Variants in IGF2BP1 observed in about 807,000 individuals in gnomAD.
IGF2BP1 encodes insulin-like growth factor 2 mRNA-binding protein 1.
A neutral mutation model predicts 74.9 loss-of-function variants in IGF2BP1; 11 were observed. The ratio of observed to expected loss-of-function variants is 0.15; its 90% confidence interval spans 0.09 to 0.24. The LOEUF is 0.24. Among genes scored for constraint, IGF2BP1 ranks in the 10% least tolerant of loss-of-function variants. IGF2BP1 has a pLI of 1.00. For synonymous variants in IGF2BP1, 287 were observed against 281.8 expected (o/e 1.02, Z -0.18); for missense variants, 440 against 757.4 (o/e 0.58, Z 4.92).
intron 9 of IGF2BP1, among the ~76,000 whole-genome samples, chr17:49,043,190 T>TTCTGGTTGCAATTG (rs2042071835): frequency 6.6e-6 from 1 of 152,190 alleles, no homozygotes; most frequent in Non-Finnish European, 1.5e-5. Context: ...TGTTTGGCAT[T>TTCTGGTTGCAATTG]TCTGGTTGCA....
At chr17:49,017,414 C>T (rs750916812) in intron 2 of IGF2BP1, among the ~76,000 whole-genome samples, 8 of 152,048 alleles carry the variant, frequency 5.3e-5, no homozygotes, top group African/African-American at 1.2e-4. Flanking sequence ...GTGAGCCATA[C>T]ATGTAAGTTT....
rs554009329 is a variant in IGF2BP1, at chr17:49,055,847, T to TTG, written c.*6404_*6405insGT. 1.3e-4 allele frequency among the ~76,000 whole-genome samples: 19 copies of TTG among 151,144 alleles called. No homozygotes were observed. The South Asian group carries it at 4.0e-3, about 32-fold the overall frequency. On this transcript the variant is annotated 3_prime_UTR_variant, in exon 15 of 15. Transcript: ENST00000290341. ...TACTGCTTGGGACAGTTTTTTTTTT[T>TTG]TTTTTTTTTTTAAATATGAGTGCTA... is the stretch of plus-strand genomic sequence containing the variant.
At chr17:49,000,385 G>C (rs937391449) in intron 2 of IGF2BP1, among the ~76,000 whole-genome samples, 1 of 152,144 alleles carries the variant, frequency 6.6e-6, no homozygotes, top group Non-Finnish European at 1.5e-5. Context: ...TAAGTAACTT[G>C]GAACTATTGT....
chr17:49,026,003 G>GT (rs2041849522), intron 3 of IGF2BP1, among the ~76,000 whole-genome samples: 1 of 151,776 alleles, frequency 6.6e-6, no homozygotes, highest in African/African-American at 2.4e-5. Flanking sequence ...TTACAGGCGT[G>GT]TACCCCCATG....
intron 2 of IGF2BP1, among the ~76,000 whole-genome samples, chr17:49,016,391 T>C (rs2041702244): frequency 1.3e-5 from 2 of 152,070 alleles, no homozygotes; most frequent in South Asian, 4.1e-4. Context: ...CAGATTAAGG[T>C]GTGTGTATTG....
intron 11 of IGF2BP1, among the ~76,000 whole-genome samples, chr17:49,044,765 A>G (rs2042091871): frequency 6.6e-6 from 1 of 152,214 alleles, no homozygotes; most frequent in Non-Finnish European, 1.5e-5. Context: ...GGCCCTACTT[A>G]GAAAGTGTCA....
intron 5 of IGF2BP1, among the ~76,000 whole-genome samples, chr17:49,032,899 T>TC (rs2041941872): frequency 6.6e-6 from 1 of 152,076 alleles, no homozygotes; most frequent in African/African-American, 2.4e-5. Context: ...CACTGCAACC[T>TC]CAACCTCCTG....
At chr17:49,014,656 A>C in intron 2 of IGF2BP1, 1 of 457,188 alleles carries the variant, frequency 2.2e-6, no homozygotes, top group Non-Finnish European at 2.9e-6. Flanking sequence ...TTCCCACCGC[A>C]GGTCATGGTT....
chr17:49,000,888 T>C (rs1488239191), intron 2 of IGF2BP1, among the ~76,000 whole-genome samples: 1 of 152,004 alleles, frequency 6.6e-6, no homozygotes, highest in Non-Finnish European at 1.5e-5. Context: ...AATGCATTAC[T>C]GAGGGCTCTT....
intron 2 of IGF2BP1, among the ~76,000 whole-genome samples, chr17:49,013,258 T>C (rs1779772912): frequency 6.6e-6 from 1 of 151,890 alleles, no homozygotes; most frequent in South Asian, 2.1e-4. Flanking sequence ...TGGGGGCGAG[T>C]ATGACTTCTA....
At chr17:49,023,431 A>C (rs149084918) in intron 2 of IGF2BP1, among the ~76,000 whole-genome samples, 70 of 151,210 alleles carry the variant, frequency 4.6e-4, no homozygotes, top group African/African-American at 1.5e-3. Context: ...AAAGATCATA[A>C]AGATCTTGCT....
intron 7 of IGF2BP1, among the ~76,000 whole-genome samples, chr17:49,041,060 T>G (rs969745306): frequency 1.3e-5 from 2 of 151,994 alleles, no homozygotes; most frequent in Non-Finnish European, 2.9e-5. Flanking sequence ...GTGCGTATAG[T>G]CCCAGCTACT....
chr17:49,044,671 G>A (rs372091623), intron 11 of IGF2BP1, among the ~76,000 whole-genome samples: 41 of 152,378 alleles, frequency 2.7e-4, no homozygotes, highest in African/African-American at 8.9e-4. Flanking sequence ...CCCTCTATCC[G>A]TTGGTCATTT....
At position 49,052,408 on chromosome 17, in the gene IGF2BP1, C is replaced by G. The variant is rs995841210; in HGVS notation, c.*2964C>G. The G allele has an allele frequency of 1.9e-4, 29 of 152,172 alleles. No individual in the cohort carries two copies. Among genetic ancestry groups the G allele is most frequent in the Admixed American group, 1.8e-3 (28 of 15,282 alleles). The allele number at this position is 152,172 out of a possible 1,614,324, so 9.4% of individuals were successfully genotyped here. ...TGTGATTGTTGCAGTGTTCAGTTTC[C>G]TTGGGGGCCTGCTCCCTTCACACCT... On this transcript the variant is annotated 3_prime_UTR_variant, in exon 15 of 15. Coordinates refer to ENST00000290341, the MANE Select transcript of IGF2BP1 (RefSeq NM_006546.4).
rs757017157 is a variant in IGF2BP1, at chr17:49,041,339, G to A, written c.819-39G>A. 10 of 1,610,040 alleles carry A rather than the reference G, an allele frequency of 6.2e-6. No individual in the cohort carries two copies. The Admixed American group carries it at 1.3e-4, about 22-fold the overall frequency. Reference sequence around the variant, plus strand: ...AGTCTTCATGAAGCCCACAATTGAAGGAACTCTTGTCTTCCACTTCTTCCT... The same window carrying A: ...AGTCTTCATGAAGCCCACAATTGAAAGAACTCTTGTCTTCCACTTCTTCCT... On this transcript the variant is annotated intron_variant, in intron 7 of 14. Coordinates refer to ENST00000290341, the MANE Select transcript of IGF2BP1 (RefSeq NM_006546.4).
intron 4 of IGF2BP1, 80 bp from the exon 5 acceptor site, chr17:49,031,830 G>T: frequency 1.6e-6 from 2 of 1,277,024 alleles, no homozygotes; most frequent in East Asian, 2.3e-5. Context: ...ATCTCAAAAC[G>T]TGGAAAGCTG....
At position 49,002,828 on chromosome 17, in the gene IGF2BP1, A is replaced by G. The variant is rs548674913; in HGVS notation, c.236+3659A>G. ...TATTTTAATTTCCACCTAAAAATTA[A>G]ACTTTGCAAATTCATAAATTAGTTT... On this transcript the variant is annotated intron_variant, in intron 2 of 14. Transcript: ENST00000290341. Among the ~76,000 whole-genome samples, 21 of 152,262 alleles carry G rather than the reference A, an allele frequency of 1.4e-4. No individual in the cohort carries two copies. The South Asian group carries it at 3.9e-3, about 29-fold the overall frequency.
intron 8 of IGF2BP1, among the ~76,000 whole-genome samples, chr17:49,041,802 T>G (rs1292075333): frequency 2.6e-5 from 4 of 152,202 alleles, no homozygotes; most frequent in Non-Finnish European, 5.9e-5. Flanking sequence ...GAGCCAGGGA[T>G]TCAGGGCTTT....
intron 14 of IGF2BP1, 130 bp downstream of exon 14, chr17:49,046,503 A>G: frequency 1.5e-6 from 1 of 650,644 alleles, no homozygotes; most frequent in East Asian, 2.8e-5. Flanking sequence ...GCCTGCCTCT[A>G]GGCTAGGTTA....
Sources: allele counts gnomAD v4.1 joint callset (sites outside exome capture counted in the v4.1 genomes callset), GRCh38; gene constraint gnomAD v4.1.1; transcripts MANE v1.5; gene names NCBI Gene and HGNC (gene_info 2026-07-23, HGNC 2026-07-21).